Variants in HS3ST5 observed in about 807,000 individuals in gnomAD.
HS3ST5 encodes heparan sulfate glucosamine 3-O-sulfotransferase 5.
Under a neutral mutation model 25.4 loss-of-function variants are expected in HS3ST5, and 10 were observed. That is an observed-to-expected ratio of 0.39 (90% CI 0.24 to 0.67). The LOEUF (loss-of-function observed/expected upper bound fraction) is 0.67, where lower values mean the gene tolerates loss of function less well. Among genes scored for constraint, HS3ST5 ranks in the 30% least tolerant of loss-of-function variants. The probability of loss-of-function intolerance (pLI) is 0.44; values close to 1 mark genes in which losing one functional copy is unlikely to be tolerated. For synonymous variants in HS3ST5, 170 were observed against 162.4 expected (o/e 1.05, Z -0.36); for missense variants, 324 against 420.7 (o/e 0.77, Z 2.01).
intron 3 of HS3ST5, among the ~76,000 whole-genome samples, chr6:114,075,299 AG>A (rs1397835144): frequency 2.0e-5 from 3 of 152,244 alleles, no homozygotes; most frequent in African/African-American, 7.2e-5. Context: ...CTACAAAGGC[AG>A]GATCCGCTGC....
At chr6:114,248,030 T>C (rs1452334205) in intron 1 of HS3ST5, among the ~76,000 whole-genome samples, 1 of 151,344 alleles carries the variant, frequency 6.6e-6, no homozygotes, top group Non-Finnish European at 1.5e-5. Flanking sequence ...CAAAACCCTG[T>C]CTTTACTAAA....
At chr6:114,211,195 A>C (rs1436980366) in intron 2 of HS3ST5, among the ~76,000 whole-genome samples, 3 of 152,240 alleles carry the variant, frequency 2.0e-5, no homozygotes, top group African/African-American at 7.2e-5. Flanking sequence ...TACTGAGTTA[A>C]TTATTAAATG....
chr6:114,313,645 G>A (rs1444458234), intron 1 of HS3ST5, among the ~76,000 whole-genome samples: 1 of 152,190 alleles, frequency 6.6e-6, no homozygotes, highest in East Asian at 1.9e-4. Context: ...AGTTTATTGG[G>A]GAGGAGGTGG....
chr6:114,288,258 G>A (rs1399905321), intron 1 of HS3ST5, among the ~76,000 whole-genome samples: 1 of 151,992 alleles, frequency 6.6e-6, no homozygotes, highest in East Asian at 1.9e-4. Flanking sequence ...ACACTCTTTA[G>A]GAGAGATAAC....
intron 1 of HS3ST5, among the ~76,000 whole-genome samples, chr6:114,232,487 G>C (rs1771645511): frequency 1.3e-5 from 2 of 152,090 alleles, no homozygotes; most frequent in Admixed American, 1.3e-4. Context: ...CACCATGCTT[G>C]ACCCATATTT....
intron 1 of HS3ST5, among the ~76,000 whole-genome samples, chr6:114,291,978 A>G (rs1025567529): frequency 1.2e-4 from 18 of 152,234 alleles, no homozygotes. Flanking sequence ...GCAAATCTCC[A>G]TAGGACATAG....
chr6:114,112,345 A>T (rs1776310791), intron 3 of HS3ST5: 1 of 152,424 alleles, frequency 6.6e-6, no homozygotes, highest in Non-Finnish European at 1.5e-5. Flanking sequence ...GATGCAAGGG[A>T]TCAACAAAGC....
chr6:114,322,633 T>A (rs1304485831), intron 1 of HS3ST5, among the ~76,000 whole-genome samples: 1 of 152,158 alleles, frequency 6.6e-6, no homozygotes, highest in Non-Finnish European at 1.5e-5. Flanking sequence ...AGGACAAGAA[T>A]CCTGGAGGTC....
chr6:114,315,640 A>G (rs897038760), intron 1 of HS3ST5, among the ~76,000 whole-genome samples: 6 of 152,208 alleles, frequency 3.9e-5, no homozygotes, highest in Admixed American at 3.3e-4. Context: ...ACAGAAAACA[A>G]TTTGATTATA....
intron 3 of HS3ST5, among the ~76,000 whole-genome samples, chr6:114,083,931 C>T (rs1313839677): frequency 6.6e-6 from 1 of 152,084 alleles, no homozygotes; most frequent in Non-Finnish European, 1.5e-5. Flanking sequence ...GATTGATCTG[C>T]CAGTTCACTA....
chr6:114,233,578 T>C (rs1771712067), intron 1 of HS3ST5, among the ~76,000 whole-genome samples: 1 of 152,204 alleles, frequency 6.6e-6, no homozygotes, highest in Admixed American at 6.5e-5. Context: ...CAGCTAAACC[T>C]TGAGTTCTGT....
At chr6:114,212,960 G>GT (rs1483115349) in intron 2 of HS3ST5, among the ~76,000 whole-genome samples, 1 of 152,176 alleles carries the variant, frequency 6.6e-6, no homozygotes, top group Non-Finnish European at 1.5e-5. Context: ...TGGCTTAAGT[G>GT]TTTAACAGCT....
rs146494997 is a variant in HS3ST5, at chr6:114,098,031, T to C, written c.-32-35154A>G. Among the ~76,000 whole-genome samples the C allele has an allele frequency of 1.5e-3, 230 of 152,116 alleles. 1 individual carries two copies. The highest frequency in any genetic ancestry group is 2.4e-3 in the Non-Finnish European group (165 of 67,904). ...TACTTCTCTACTTCTTTCACTAGTA[T>C]AGTACTTGGAAAAGTGAGGGTGGCC... On this transcript the variant is annotated intron_variant, in intron 3 of 4. Coordinates refer to ENST00000312719, the MANE Select transcript of HS3ST5 (RefSeq NM_153612.4).
chr6:114,341,204 GGGAAT>G (rs1562281356), intron 1 of HS3ST5, among the ~76,000 whole-genome samples: 74 of 106,226 alleles, frequency 7.0e-4, no homozygotes, highest in East Asian at 2.7e-3. Flanking sequence ...GAGAGGGAGA[GGGAAT>G]AGGGAGAGAG....
At chr6:114,279,791 T>G (rs1163368081) in intron 1 of HS3ST5, among the ~76,000 whole-genome samples, 1 of 151,970 alleles carries the variant, frequency 6.6e-6, no homozygotes, top group Non-Finnish European at 1.5e-5. Context: ...TTGGGAGATT[T>G]TGGACAAGCT....
At chr6:114,102,107 T>TA (rs1775765538) in intron 3 of HS3ST5, among the ~76,000 whole-genome samples, 1 of 152,132 alleles carries the variant, frequency 6.6e-6, no homozygotes, top group African/African-American at 2.4e-5. Context: ...GTACTATACT[T>TA]AGTTATCTGG....
chr6:114,127,855 T>TAGAGAG (rs796967703), intron 3 of HS3ST5, among the ~76,000 whole-genome samples: 8 of 147,046 alleles, frequency 5.4e-5, no homozygotes, highest in African/African-American at 1.0e-4. Context: ...TATATATATA[T>TAGAGAG]AGAGAGAGAG....
In HS3ST5 at chr6:114,102,529, G is replaced by A. The variant is rs1001220731; in HGVS notation, c.-32-39652C>T. Among the ~76,000 whole-genome samples the A allele has an allele frequency of 2.6e-5, 4 of 152,144 alleles. No individual in the cohort carries two copies. The East Asian group carries it at 7.7e-4, about 29-fold the overall frequency. Reference sequence around the variant, plus strand: ...GAGAATTGTGCCATGATTGAGGAGGGTACAGACAGGGATAACTTAAAGGTA... The same window carrying A: ...GAGAATTGTGCCATGATTGAGGAGGATACAGACAGGGATAACTTAAAGGTA... On this transcript the variant is annotated intron_variant, in intron 3 of 4. Coordinates refer to ENST00000312719, the MANE Select transcript of HS3ST5 (RefSeq NM_153612.4).
At chr6:114,219,417 G>C (rs1359249172) in intron 2 of HS3ST5, among the ~76,000 whole-genome samples, 1 of 152,054 alleles carries the variant, frequency 6.6e-6, no homozygotes, top group Non-Finnish European at 1.5e-5. Context: ...GAAAAATAAA[G>C]TTCCTTTGGG....
Sources: gnomAD v4.1 joint callset for allele counts (sites outside exome capture counted in the v4.1 genomes callset) on GRCh38, gnomAD v4.1.1 for gene constraint, MANE v1.5 for transcripts, NCBI Gene and HGNC (gene_info 2026-07-23, HGNC 2026-07-21) for gene names.